The following CSMD1 variants were observed in gnomAD, a reference collection of about 807,000 sequenced individuals.
CSMD1 encodes CUB and Sushi multiple domains 1, also known as CUB and sushi domain-containing protein 1.
A neutral mutation model predicts 417.5 loss-of-function variants in CSMD1; 213 were observed. The observed-to-expected ratio is 0.51, with a 90% CI of 0.46 to 0.57. CSMD1 has a LOEUF of 0.57. Ranked by LOEUF, CSMD1 falls within the 20% of genes least tolerant of loss-of-function variation. CSMD1 has a pLI of 0.00. For missense variants in CSMD1, 6,923 were observed against 4,529.7 expected (o/e 1.53, Z -15.17); for synonymous variants, 2,862 against 1,736.8 (o/e 1.65, Z -16.11).
rs140261181 is a variant in CSMD1, at chr8:4,846,371, G to A, written c.85+147961C>T. Among the ~76,000 whole-genome samples, 54 of 152,214 alleles carry A rather than the reference G, an allele frequency of 3.5e-4. 1 individual carries two copies. The South Asian group carries it at 9.3e-3, about 26-fold the overall frequency. On this transcript the variant is annotated intron_variant, in intron 1 of 69. Transcript: ENST00000635120. ...TATAGATGGGTTTCCTTGCTTGGAG[G>A]GCTGACATGGTGGTTTTCCTAAAGC... is the stretch of plus-strand genomic sequence containing the variant.
intron 23 of CSMD1, among the ~76,000 whole-genome samples, chr8:3,308,732 G>GTGTTTTTTTTTT (rs1805090018): frequency 9.2e-5 from 10 of 108,930 alleles, no homozygotes; most frequent in African/African-American, 3.6e-4. Context: ...CTACTTACAA[G>GTGTTTTTTTTTT]TTTTTTTTTT....
intron 3 of CSMD1, among the ~76,000 whole-genome samples, chr8:4,355,895 T>C (rs2128904353): frequency 6.6e-6 from 1 of 151,732 alleles, no homozygotes; most frequent in East Asian, 2.0e-4. Context: ...ACAGCGCAGG[T>C]GAGTCTCATG....
intron 2 of CSMD1, among the ~76,000 whole-genome samples, chr8:4,529,526 C>T (rs1796685039): frequency 6.6e-6 from 1 of 152,148 alleles, no homozygotes; most frequent in Non-Finnish European, 1.5e-5. Flanking sequence ...AAAAATGCCT[C>T]TGTCTTCATT....
At position 4,078,761 on chromosome 8, in the gene CSMD1, C is replaced by T. The variant is rs562451944; in HGVS notation, c.416-46662G>A. On this transcript the variant is annotated intron_variant, in intron 3 of 69. Coordinates refer to ENST00000635120, the MANE Select transcript of CSMD1 (RefSeq NM_033225.6). ...CCTTGTATTTAAATTTCAGGCCTGG[C>T]ACACTGGCTTACACCTGTAATCCTA... Among the ~76,000 whole-genome samples, 4 of 150,646 alleles carry T rather than the reference C, an allele frequency of 2.7e-5. No individual in the cohort carries two copies. The South Asian group carries it at 8.4e-4, about 32-fold the overall frequency.
At chr8:4,516,539 G>C (rs1340465344) in intron 2 of CSMD1, among the ~76,000 whole-genome samples, 2 of 152,084 alleles carry the variant, frequency 1.3e-5, no homozygotes, top group African/African-American at 2.4e-5. Flanking sequence ...ATTCTCCCCT[G>C]CTTGGTGTGG....
At chr8:3,383,233 C>T (rs143665799) in intron 18 of CSMD1, among the ~76,000 whole-genome samples, 34 of 152,336 alleles carry the variant, frequency 2.2e-4, no homozygotes, top group African/African-American at 7.0e-4. Flanking sequence ...TATCACAAAT[C>T]GCATCAAATT....
chr8:4,891,368 T>C (rs1804112021), intron 1 of CSMD1, among the ~76,000 whole-genome samples: 1 of 152,188 alleles, frequency 6.6e-6, no homozygotes, highest in Admixed American at 6.5e-5. Flanking sequence ...GAGCATTTTA[T>C]TCATTGAATA....
intron 54 of CSMD1, among the ~76,000 whole-genome samples, chr8:2,992,590 A>T (rs551605156): frequency 6.7e-6 from 1 of 149,244 alleles, no homozygotes; most frequent in East Asian, 2.0e-4. Flanking sequence ...CACCTGGCTA[A>T]TTTTTTTGTA....
At chr8:4,178,921 T>TAC (rs1798202057) in intron 3 of CSMD1, among the ~76,000 whole-genome samples, 1 of 152,014 alleles carries the variant, frequency 6.6e-6, no homozygotes, top group South Asian at 2.1e-4. Context: ...CTCAATGAAA[T>TAC]AAGAGAAGAT....
At chr8:3,454,738 C>A (rs1053234009) in intron 12 of CSMD1, among the ~76,000 whole-genome samples, 3 of 152,104 alleles carry the variant, frequency 2.0e-5, no homozygotes, top group African/African-American at 7.2e-5. Context: ...CTCTGCCTGC[C>A]CTTTAAATTT....
In CSMD1 at chr8:3,781,311, T is replaced by A. The variant is rs149296111; in HGVS notation, c.819-27269A>T. Among the ~76,000 whole-genome samples, 1,030 of 152,174 alleles carry A rather than the reference T, an allele frequency of 6.8e-3. 39 individuals are homozygous for A. Among genetic ancestry groups the A allele is most frequent in the Admixed American group, 0.061 (937 of 15,290 alleles). On this transcript the variant is annotated intron_variant, in intron 5 of 69. Transcript: ENST00000635120. Reference sequence around the variant, plus strand: ...GGTATGAATATACAATATTCATACATGTCTTTGTTCTTTTCATTCTTTACT... The same window carrying A: ...GGTATGAATATACAATATTCATACAAGTCTTTGTTCTTTTCATTCTTTACT...
intron 20 of CSMD1, among the ~76,000 whole-genome samples, chr8:3,364,222 A>C (rs1809399122): frequency 6.6e-6 from 1 of 152,134 alleles, no homozygotes; most frequent in South Asian, 2.1e-4. Flanking sequence ...TCTAGGCAAA[A>C]ATCCTACCAA....
chr8:4,089,689 T>C (rs1800612400), intron 3 of CSMD1, among the ~76,000 whole-genome samples: 1 of 152,216 alleles, frequency 6.6e-6, no homozygotes, highest in Admixed American at 6.5e-5. Flanking sequence ...ACATATAGAA[T>C]GTGCCCAACA....
intron 12 of CSMD1, among the ~76,000 whole-genome samples, chr8:3,445,205 T>A (rs1815222600): frequency 6.6e-6 from 1 of 152,206 alleles, no homozygotes; most frequent in African/African-American, 2.4e-5. Flanking sequence ...CACCTCATCA[T>A]GAAGGAAAAG....
chr8:3,810,902 G>C (rs1426387940), intron 5 of CSMD1, among the ~76,000 whole-genome samples: 2 of 152,116 alleles, frequency 1.3e-5, no homozygotes, highest in Non-Finnish European at 2.9e-5. Context: ...GAGATGTTGA[G>C]AAAAGTGCTT....
rs553927290 is a variant in CSMD1 at position 3,148,602 on chromosome 8, G to A, written c.6031+2795C>T. Among the ~76,000 whole-genome samples the A allele has an allele frequency of 3.7e-4, 56 of 152,334 alleles. 1 individual carries two copies. Among genetic ancestry groups the A allele is most frequent in the Admixed American group, 1.3e-3 (20 of 15,304 alleles). Reference sequence around the variant, plus strand: ...CAAGGGAGAAGACGCAGAAATTAAAGAAGGCCATGAATACATAGAACTAAT... The same window carrying A: ...CAAGGGAGAAGACGCAGAAATTAAAAAAGGCCATGAATACATAGAACTAAT... On this transcript the variant is annotated intron_variant, in intron 40 of 69. Coordinates refer to ENST00000635120, the MANE Select transcript of CSMD1 (RefSeq NM_033225.6).
intron 3 of CSMD1, among the ~76,000 whole-genome samples, chr8:4,100,713 A>G (rs1409016291): frequency 6.6e-6 from 1 of 152,146 alleles, no homozygotes; most frequent in Non-Finnish European, 1.5e-5. Flanking sequence ...TTTTTTCCTC[A>G]TAAACTTCCA....
intron 26 of CSMD1, among the ~76,000 whole-genome samples, chr8:3,259,392 G>A (rs912817610): frequency 1.3e-5 from 2 of 151,728 alleles, no homozygotes; most frequent in African/African-American, 4.8e-5. Flanking sequence ...CAGGTTTACG[G>A]ACACTCAGTA....
At position 2,955,907 on chromosome 8, in the gene CSMD1, T is replaced by C. The variant is rs559789007; in HGVS notation, c.9815-139A>G. The stretch of plus-strand genomic sequence containing the variant: ...ATATACATATATATACACATATATA[T>C]GTATATTTTTTTTGGTAGAGATGAA... On this transcript the variant is annotated intron_variant, in intron 63 of 69. Coordinates refer to ENST00000635120, the MANE Select transcript of CSMD1 (RefSeq NM_033225.6). 2.1e-3 allele frequency: 1,204 copies of C among 561,842 alleles called. 7 individuals are homozygous for C. The highest frequency in any genetic ancestry group is 1.2e-3 in the Non-Finnish European group (405 of 345,472). The allele number at this position is 561,842 out of a possible 1,614,324, so 34.8% of individuals were successfully genotyped here. A position where few individuals can be genotyped will look rare whatever the true frequency, so the allele number is the denominator to read the frequency against.
Sources: allele counts gnomAD v4.1 joint callset (sites outside exome capture counted in the v4.1 genomes callset), GRCh38; gene constraint gnomAD v4.1.1; transcripts MANE v1.5; gene names NCBI Gene and HGNC (gene_info 2026-07-23, HGNC 2026-07-21).